NKAIN3: variants seen among roughly 807,000 people sequenced by gnomAD.
NKAIN3 encodes sodium/potassium-transporting ATPase subunit beta-1-interacting protein 3.
A neutral mutation model predicts 30.2 loss-of-function variants in NKAIN3; 25 were observed. The ratio of observed to expected loss-of-function variants is 0.83; its 90% CI spans 0.60 to 1.16. The LOEUF (loss-of-function observed/expected upper bound fraction) is 1.16. Ranked by LOEUF, NKAIN3 falls within the 50% of genes most tolerant of loss-of-function variation. NKAIN3 has a pLI of 0.00. For synonymous variants in NKAIN3, 91 were observed against 89.6 expected (o/e 1.02, Z -0.09); for missense variants, 225 against 254.1 (o/e 0.89, Z 0.78).
At chr8:62,960,735 G>GCGCA (rs1554596932) in intron 6 of NKAIN3, among the ~76,000 whole-genome samples, 8 of 148,540 alleles carry the variant, frequency 5.4e-5, no homozygotes, top group African/African-American at 1.7e-4. Flanking sequence ...CAGGAAAAAA[G>GCGCA]CACACACACA....
At chr8:62,520,045 C>T (rs1808108684) in intron 1 of NKAIN3, among the ~76,000 whole-genome samples, 1 of 152,236 alleles carries the variant, frequency 6.6e-6, no homozygotes, top group African/African-American at 2.4e-5. Flanking sequence ...ACAAGACAAT[C>T]CAACAAACAA....
chr8:62,933,616 T>A (rs547064053), intron 5 of NKAIN3, among the ~76,000 whole-genome samples: 18 of 152,302 alleles, frequency 1.2e-4, no homozygotes, highest in African/African-American at 4.1e-4. Flanking sequence ...AAATTCATTA[T>A]CCTATTATTT....
chr8:62,355,623 C>T (rs1015380628), intron 1 of NKAIN3, among the ~76,000 whole-genome samples: 2 of 152,152 alleles, frequency 1.3e-5, no homozygotes, highest in Non-Finnish European at 2.9e-5. Flanking sequence ...AATTCTGTGG[C>T]TTACTTACAA....
chr8:62,739,261 A>C (rs1815781414), intron 3 of NKAIN3, among the ~76,000 whole-genome samples: 1 of 151,918 alleles, frequency 6.6e-6, no homozygotes, highest in African/African-American at 2.4e-5. Flanking sequence ...TTAAAGTATA[A>C]TTTACGAAAA....
intron 1 of NKAIN3, among the ~76,000 whole-genome samples, chr8:62,316,215 T>C (rs13250200): frequency 0.55 from 83,504 of 151,978 alleles, 23,379 homozygotes; most frequent in Non-Finnish European, 0.61. Context: ...GTCTCGGGTA[T>C]GTCTTTATTG....
chr8:62,500,478 AAAGAAAGAAGAAAAG>A (rs1807405948), intron 1 of NKAIN3, among the ~76,000 whole-genome samples: 4 of 146,932 alleles, frequency 2.7e-5, no homozygotes, highest in Admixed American at 6.7e-5. Context: ...AGAAAGAAAG[AAAGAAAGAAGAAAAG>A]AAAGAAAGAA....
intron 1 of NKAIN3, among the ~76,000 whole-genome samples, chr8:62,518,974 A>C (rs180694187): frequency 6.6e-6 from 1 of 152,296 alleles, no homozygotes; most frequent in East Asian, 1.9e-4. Flanking sequence ...TCGAATTCTA[A>C]TACTGAATAG....
intron 1 of NKAIN3, among the ~76,000 whole-genome samples, chr8:62,446,166 T>C (rs1805480107): frequency 6.6e-6 from 1 of 152,170 alleles, no homozygotes; most frequent in Non-Finnish European, 1.5e-5. Flanking sequence ...AAATCCCTTT[T>C]AATAGTTGAT....
chr8:62,322,458 C>A (rs922328243), intron 1 of NKAIN3, among the ~76,000 whole-genome samples: 2 of 131,508 alleles, frequency 1.5e-5, no homozygotes, highest in Non-Finnish European at 2.9e-5. Flanking sequence ...TGCTATTCAG[C>A]ATCTTGGCTC....
At chr8:62,390,822 G>A (rs1015254054) in intron 1 of NKAIN3, among the ~76,000 whole-genome samples, 20 of 151,918 alleles carry the variant, frequency 1.3e-4, no homozygotes, top group Non-Finnish European at 1.9e-4. Context: ...TATGATTGTC[G>A]GCCACATGTA....
intron 4 of NKAIN3, among the ~76,000 whole-genome samples, chr8:62,807,391 T>A (rs1338715158): frequency 3.3e-5 from 5 of 152,146 alleles, no homozygotes; most frequent in Admixed American, 6.6e-5. Flanking sequence ...ACAGATTTTT[T>A]AAATTTTTGT....
chr8:62,335,345 G>A (rs1284228724), intron 1 of NKAIN3, among the ~76,000 whole-genome samples: 1 of 149,034 alleles, frequency 6.7e-6, no homozygotes, highest in Non-Finnish European at 1.5e-5. Context: ...AGAACTGCTT[G>A]AACTCGGGAG....
At chr8:62,469,820 C>G (rs1360352824) in intron 1 of NKAIN3, among the ~76,000 whole-genome samples, 4 of 152,134 alleles carry the variant, frequency 2.6e-5, no homozygotes, top group Non-Finnish European at 2.9e-5. Context: ...ACAGGATGAC[C>G]TAACCTATTC....
chr8:62,428,819 C>A (rs983803255), intron 1 of NKAIN3, among the ~76,000 whole-genome samples: 1 of 151,732 alleles, frequency 6.6e-6, no homozygotes, highest in Non-Finnish European at 1.5e-5. Flanking sequence ...TGTAGAGAAG[C>A]TTTTTAGCTT....
chr8:62,676,167 A>G (rs987073279), intron 3 of NKAIN3, among the ~76,000 whole-genome samples: 1 of 152,242 alleles, frequency 6.6e-6, no homozygotes, highest in Admixed American at 6.5e-5. Context: ...GAGAGTAAGT[A>G]ACTTGTGCCA....
chr8:62,715,223 T>C (rs1321079238), intron 3 of NKAIN3, among the ~76,000 whole-genome samples: 2 of 152,176 alleles, frequency 1.3e-5, no homozygotes, highest in East Asian at 3.9e-4. Flanking sequence ...TCCTCCAACA[T>C]TGGAGATTAC....
chr8:62,789,467 C>CGG (rs1261361769), intron 4 of NKAIN3, among the ~76,000 whole-genome samples: 1 of 152,044 alleles, frequency 6.6e-6, no homozygotes, highest in African/African-American at 2.4e-5. Flanking sequence ...TATACAATCA[C>CGG]GTCATCTGAA....
At chr8:62,531,333 C>T (rs1585913209) in intron 1 of NKAIN3, among the ~76,000 whole-genome samples, 1 of 152,176 alleles carries the variant, frequency 6.6e-6, no homozygotes, top group African/African-American at 2.4e-5. Context: ...CCACACTCTA[C>T]TAAATCTTTA....
At chr8:62,878,040 CAAAA>C (rs34421488) in intron 4 of NKAIN3, among the ~76,000 whole-genome samples, 2 of 113,734 alleles carry the variant, frequency 1.8e-5, no homozygotes, top group Non-Finnish European at 3.5e-5. Context: ...AACTCCATCT[CAAAA>C]AAAAAAAAAA....
Sources: allele counts gnomAD v4.1 joint callset (sites outside exome capture counted in the v4.1 genomes callset), GRCh38; gene constraint gnomAD v4.1.1; transcripts MANE v1.5; gene names NCBI Gene and HGNC (gene_info 2026-07-23, HGNC 2026-07-21).